The following COL28A1 variants were observed in gnomAD, a reference collection of about 807,000 sequenced individuals.
The protein encoded by COL28A1 is collagen type XXVIII alpha 1 chain, also known as collagen alpha-1(XXVIII) chain.
COL28A1 carries 161 observed loss-of-function variants against 150.2 expected under a neutral mutation model. That is an observed-to-expected ratio of 1.07 (90% CI 0.94 to 1.22). The LOEUF (loss-of-function observed/expected upper bound fraction) is 1.22, where lower values mean the gene tolerates loss of function less well. Ranked by LOEUF, COL28A1 falls within the 50% of genes most tolerant of loss-of-function variation. The probability of loss-of-function intolerance (pLI) is 0.00; values close to 1 mark genes in which losing one functional copy is unlikely to be tolerated. For synonymous variants in COL28A1, 552 were observed against 469.7 expected (o/e 1.18, Z -2.26); for missense variants, 1,617 against 1,388.3 (o/e 1.16, Z -2.62).
chr7:7,532,778 A>G lies in COL28A1; in HGVS notation c.98T>C (p.Leu33Ser), dbSNP rs760090202. 1 of 1,611,320 alleles carries G rather than the reference A, an allele frequency of 6.2e-7. No individual in the cohort carries two copies. Among genetic ancestry groups the G allele is most frequent in the Admixed American group, 1.7e-5 (1 of 59,704 alleles). ...GQRKKGPKSN[L>S]LARKSDVQGS... is the part of the protein sequence containing the mutation. ...CTGGACATCACTTTTCCTTGCAAGC[A>G]AATTTGATTTTGGTCCTTTCTTTCT... The change falls in exon 2 of 35, where the codon TTG becomes TCG. Residue 33 changes from leucine (L) to serine (S), a missense_variant. By Grantham distance (145) the Leu-to-Ser change is moderately radical (BLOSUM62 -2). Transcript: ENST00000399429.
At chr7:7,530,082 A>C (rs2115250200) in intron 3 of COL28A1, among the ~76,000 whole-genome samples, 1 of 152,310 alleles carries the variant, frequency 6.6e-6, no homozygotes, top group East Asian at 1.9e-4. Context: ...CTGATTGAGA[A>C]AATATTTTTT....
At chr7:7,347,492 T>C in the COL28A1 span, among the ~76,000 whole-genome samples, 1 of 152,124 alleles carries the variant, frequency 6.6e-6, no homozygotes, top group African/African-American at 2.4e-5. Flanking sequence ...CTCTCTCTTC[T>C]GGCTACCTCC....
chr7:7,368,214 G>C (rs1421993615), intron 33 of COL28A1, among the ~76,000 whole-genome samples: 1 of 151,748 alleles, frequency 6.6e-6, no homozygotes, highest in Non-Finnish European at 1.5e-5. Context: ...CTGGCCTATA[G>C]ATGAAGTTCA....
chr7:7,338,577 T>C, the COL28A1 span, among the ~76,000 whole-genome samples: 2 of 152,174 alleles, frequency 1.3e-5, no homozygotes, highest in African/African-American at 4.8e-5. Flanking sequence ...GTTTATCAGG[T>C]CTAAGAGCCT....
intron 4 of COL28A1, 91 bp downstream of exon 4, chr7:7,524,138 C>G: frequency 7.6e-6 from 6 of 792,336 alleles, no homozygotes; most frequent in Non-Finnish European, 1.3e-5. Context: ...TTTATTTAGT[C>G]ACACTTAATC....
intron 8 of COL28A1, chr7:7,511,742 G>C (rs1478170453): frequency 4.2e-6 from 2 of 470,936 alleles, no homozygotes; most frequent in East Asian, 6.9e-5. Context: ...CAGGTGCCAT[G>C]ATGAGTTAGC....
chr7:7,513,841 T>G (rs1239424000), intron 8 of COL28A1, among the ~76,000 whole-genome samples: 1 of 152,230 alleles, frequency 6.6e-6, no homozygotes, highest in East Asian at 1.9e-4. Context: ...TTCATGTTAT[T>G]TGCCTCTGCA....
intron 20 of COL28A1, among the ~76,000 whole-genome samples, chr7:7,443,060 G>T (rs1785937392): frequency 6.6e-6 from 1 of 151,310 alleles, no homozygotes; most frequent in Non-Finnish European, 1.5e-5. Flanking sequence ...ATTGCAGGAA[G>T]ACCTGGAATC....
At chr7:7,494,557 C>T (rs1780102264) in intron 11 of COL28A1, among the ~76,000 whole-genome samples, 1 of 152,212 alleles carries the variant, frequency 6.6e-6, no homozygotes, top group African/African-American at 2.4e-5. Flanking sequence ...ACCAGTCACA[C>T]AACACCTGTT....
At chr7:7,440,671 G>T in intron 21 of COL28A1, 119 bp downstream of exon 21, 1 of 555,508 alleles carries the variant, frequency 1.8e-6, no homozygotes, top group Non-Finnish European at 3.3e-6. Context: ...TGGGGTATTT[G>T]TTTTGTACTT....
chr7:7,414,271 C>A (rs1783946078), intron 27 of COL28A1, among the ~76,000 whole-genome samples: 1 of 152,222 alleles, frequency 6.6e-6, no homozygotes, highest in African/African-American at 2.4e-5. Context: ...ATCTGGGTTA[C>A]TGCTGGAGGC....
chr7:7,422,542 T>C (rs1024074294), intron 25 of COL28A1, among the ~76,000 whole-genome samples: 1 of 151,532 alleles, frequency 6.6e-6, no homozygotes, highest in African/African-American at 2.4e-5. Context: ...GGCGGGAGAA[T>C]CACTTGAACC....
intron 30 of COL28A1, among the ~76,000 whole-genome samples, chr7:7,378,679 A>G (rs770460447): frequency 6.6e-6 from 1 of 152,158 alleles, no homozygotes; most frequent in Non-Finnish European, 1.5e-5. Context: ...TTGGTATCAG[A>G]CAGGCCACCT....
At chr7:7,417,395 G>T (rs1267262258) in intron 27 of COL28A1, among the ~76,000 whole-genome samples, 1 of 150,240 alleles carries the variant, frequency 6.7e-6, no homozygotes, top group Non-Finnish European at 1.5e-5. Context: ...CTGGGAAAGG[G>T]CATTAGTACT....
intron 32 of COL28A1, 25 bp downstream of exon 32, chr7:7,372,973 C>A: frequency 1.3e-6 from 2 of 1,595,284 alleles, no homozygotes; most frequent in South Asian, 2.3e-5. Flanking sequence ...AATGCCTTTC[C>A]CCTGGGCCAG....
intron 11 of COL28A1, among the ~76,000 whole-genome samples, chr7:7,491,459 T>C (rs1779910867): frequency 6.6e-6 from 1 of 152,224 alleles, no homozygotes; most frequent in African/African-American, 2.4e-5. Flanking sequence ...AATGAGCAAC[T>C]GATCCAGTCC....
chr7:7,475,245 C>A (rs901671291), intron 14 of COL28A1, among the ~76,000 whole-genome samples: 1 of 152,034 alleles, frequency 6.6e-6, no homozygotes, highest in Non-Finnish European at 1.5e-5. Context: ...TGTCATAATA[C>A]TTCATGCATT....
chr7:7,346,920 A>G, the COL28A1 span, among the ~76,000 whole-genome samples: 1 of 152,114 alleles, frequency 6.6e-6, no homozygotes, highest in African/African-American at 2.4e-5. Context: ...TGATACTGGA[A>G]GGATAAGTAT....
intron 27 of COL28A1, among the ~76,000 whole-genome samples, chr7:7,408,328 C>T (rs1434902905): frequency 6.6e-6 from 1 of 152,120 alleles, no homozygotes; most frequent in African/African-American, 2.4e-5. Context: ...GTTAGAGATT[C>T]TGTAAGTAAC....
Sources: gnomAD v4.1 joint callset for allele counts (sites outside exome capture counted in the v4.1 genomes callset) on GRCh38, gnomAD v4.1.1 for gene constraint, MANE v1.5 for transcripts, NCBI Gene and HGNC (gene_info 2026-07-23, HGNC 2026-07-21) for gene names.